Variants in KATNIP observed in about 807,000 individuals in gnomAD.
KATNIP encodes the protein katanin-interacting protein.
Under a neutral mutation model 174.0 loss-of-function variants are expected in KATNIP, and 126 were observed. The ratio of observed to expected loss-of-function variants is 0.72; its 90% CI spans 0.63 to 0.84. The LOEUF (loss-of-function observed/expected upper bound fraction) is 0.84, where lower values mean the gene tolerates loss of function less well. Among genes scored for constraint, KATNIP ranks in the 40% least tolerant of loss-of-function variants. The probability of loss-of-function intolerance (pLI) is 0.00; values close to 1 mark genes in which losing one functional copy is unlikely to be tolerated. For synonymous variants in KATNIP, 810 were observed against 835.7 expected, an observed-to-expected ratio of 0.97 and a Z score of 0.53; for missense variants, 1,958 against 2,109.7, an observed-to-expected ratio of 0.93 and a Z score of 1.41.
At chr16:27,715,442 C>T (rs1178523349) in intron 13 of KATNIP, among the ~76,000 whole-genome samples, 1 of 152,170 alleles carries the variant, frequency 6.6e-6, no homozygotes, top group African/African-American at 2.4e-5. Context: ...ACGGATAAGT[C>T]AGACTTCATC....
At chr16:27,691,888 A>G (rs1444648912) in intron 8 of KATNIP, among the ~76,000 whole-genome samples, 2 of 152,184 alleles carry the variant, frequency 1.3e-5, no homozygotes, top group African/African-American at 4.8e-5. Context: ...TCCTTGTCCA[A>G]GAGGAAGTGA....
intron 13 of KATNIP, 100 bp downstream of exon 13, chr16:27,709,020 G>C: frequency 1.0e-6 from 1 of 959,538 alleles, no homozygotes. Context: ...GGAGGGAGGG[G>C]AAGAACAACA....
intron 2 of KATNIP, among the ~76,000 whole-genome samples, chr16:27,577,274 G>A (rs1484817372): frequency 6.6e-6 from 1 of 152,216 alleles, no homozygotes; most frequent in Non-Finnish European, 1.5e-5. Flanking sequence ...GAGTGTGGTG[G>A]CTCACGCCTG....
chr16:27,743,314 C>A (rs1408554194), intron 15 of KATNIP, among the ~76,000 whole-genome samples: 1 of 152,012 alleles, frequency 6.6e-6, no homozygotes, highest in African/African-American at 2.4e-5. Flanking sequence ...TTTAATGATT[C>A]AAATCGGCAT....
At chr16:27,603,291 T>C (rs946614776) in intron 2 of KATNIP, among the ~76,000 whole-genome samples, 7 of 152,208 alleles carry the variant, frequency 4.6e-5, no homozygotes, top group African/African-American at 1.7e-4. Context: ...CCTCCTAACC[T>C]GGTGGCCTTT....
chr16:27,585,405 G>A (rs1353968649), intron 2 of KATNIP, among the ~76,000 whole-genome samples: 1 of 152,202 alleles, frequency 6.6e-6, no homozygotes, highest in East Asian at 1.9e-4. Context: ...ATACGATCCA[G>A]CAATTCCGCT....
intron 6 of KATNIP, among the ~76,000 whole-genome samples, chr16:27,670,361 G>A (rs1042863276): frequency 2.0e-5 from 3 of 152,194 alleles, no homozygotes; most frequent in Non-Finnish European, 4.4e-5. Context: ...ACTTTAAGTG[G>A]CTACAGCGCT....
At chr16:27,661,874 T>C (rs2077486313) in intron 6 of KATNIP, among the ~76,000 whole-genome samples, 1 of 117,490 alleles carries the variant, frequency 8.5e-6, no homozygotes, top group Admixed American at 9.4e-5. Context: ...GCCTCCCAGG[T>C]AGCTGGGATT....
intron 14 of KATNIP, among the ~76,000 whole-genome samples, chr16:27,729,287 T>C (rs2080569783): frequency 1.3e-5 from 2 of 152,124 alleles, no homozygotes; most frequent in African/African-American, 4.8e-5. Context: ...TAGCCCCCAA[T>C]GGCATCAGGT....
chr16:27,645,496 T>A (rs2076932348), intron 5 of KATNIP, among the ~76,000 whole-genome samples: 1 of 151,718 alleles, frequency 6.6e-6, no homozygotes, highest in Admixed American at 6.6e-5. Context: ...GTGCCCAGAG[T>A]GGGTTAGCAA....
At chr16:27,610,389 A>C (rs1221366262) in intron 2 of KATNIP, among the ~76,000 whole-genome samples, 1 of 152,134 alleles carries the variant, frequency 6.6e-6, no homozygotes, top group Non-Finnish European at 1.5e-5. Flanking sequence ...AGGATTGGAG[A>C]GACCTTCCTA....
Position 27,691,801 on chromosome 16 carries a change from A to T in KATNIP, c.941-6527A>T, listed in dbSNP as rs147324857. Among the ~76,000 whole-genome samples, 19 of 152,324 alleles carry T rather than the reference A, an allele frequency of 1.2e-4. No individual in the cohort carries two copies. The East Asian group carries it at 3.5e-3, about 28-fold the overall frequency. ...GTTGCTGGAGGAGCATTTCCTCCCA[A>T]ATGAAAGACGCTCAGGGGCAAAAGG... On this transcript the variant is annotated intron_variant, in intron 8 of 27. Coordinates refer to ENST00000261588, the MANE Select transcript of KATNIP (RefSeq NM_015202.5).
chr16:27,734,568 G>A (rs1041032290), intron 14 of KATNIP, among the ~76,000 whole-genome samples: 3 of 151,958 alleles, frequency 2.0e-5, no homozygotes, highest in African/African-American at 4.8e-5. Flanking sequence ...GCGTAGTGGC[G>A]TGCCTGTAAT....
rs184150482 is a variant in KATNIP at position 27,639,341 on chromosome 16, C to T, written c.408+8179C>T. Among the ~76,000 whole-genome samples, 265 of 152,340 alleles carry T rather than the reference C, an allele frequency of 1.7e-3. 3 individuals carry two copies. The highest frequency in any genetic ancestry group is 8.5e-4 in the Non-Finnish European group (58 of 68,030). On this transcript the variant is annotated intron_variant, in intron 5 of 27. Coordinates refer to ENST00000261588, the MANE Select transcript of KATNIP (RefSeq NM_015202.5). ...TGGTGGTGATGTATGGCCTCTTGTT[C>T]ATACTGTCCTTTTCCCCCCACCACT...
intron 6 of KATNIP, among the ~76,000 whole-genome samples, chr16:27,666,418 T>TTTTGA (rs2077684675): frequency 6.6e-6 from 1 of 151,922 alleles, no homozygotes; most frequent in South Asian, 2.1e-4. Context: ...TTTTGTTTTG[T>TTTTGA]TTTGTTTTGT....
intron 5 of KATNIP, among the ~76,000 whole-genome samples, chr16:27,647,508 ATT>A (rs564224630): frequency 7.1e-6 from 1 of 140,826 alleles, no homozygotes. Flanking sequence ...CACCTGGCTA[ATT>A]TTTTTTTTTT....
At chr16:27,704,164 G>A (rs1206963726) in intron 12 of KATNIP, among the ~76,000 whole-genome samples, 166 bp downstream of exon 12, 1 of 151,184 alleles carries the variant, frequency 6.6e-6, no homozygotes, top group Non-Finnish European at 1.5e-5. Context: ...ATGATGAAGA[G>A]CAGGGGTAGA....
At chr16:27,609,960 C>T (rs2075840896) in intron 2 of KATNIP, among the ~76,000 whole-genome samples, 1 of 152,086 alleles carries the variant, frequency 6.6e-6, no homozygotes. Flanking sequence ...GAAGAGCATT[C>T]CACATGGAAG....
chr16:27,726,096 C>G (rs2080438039), intron 14 of KATNIP, among the ~76,000 whole-genome samples: 1 of 152,182 alleles, frequency 6.6e-6, no homozygotes, highest in Admixed American at 6.5e-5. Context: ...CTCTGCCCTC[C>G]TGTCAGATCA....
Sources: gnomAD v4.1 joint callset for allele counts (sites outside exome capture counted in the v4.1 genomes callset) on GRCh38, gnomAD v4.1.1 for gene constraint, MANE v1.5 for transcripts, NCBI Gene and HGNC (gene_info 2026-07-23, HGNC 2026-07-21) for gene names.